DNAJC2: variants seen among roughly 807,000 people sequenced by gnomAD.
DNAJC2 encodes dnaJ homolog subfamily C member 2.
A neutral mutation model predicts 94.0 loss-of-function variants in DNAJC2; 32 were observed. The observed-to-expected ratio is 0.34, with a 90% CI of 0.26 to 0.46. The LOEUF is 0.46. Among genes scored for constraint, DNAJC2 ranks in the 20% least tolerant of loss-of-function variants. DNAJC2 has a pLI of 1.00. For synonymous variants in DNAJC2, 210 were observed against 229.7 expected (o/e 0.91, Z 0.77); for missense variants, 550 against 719.5 (o/e 0.76, Z 2.69).
chr7:103,321,923 C>A lies in DNAJC2; in HGVS notation c.1083+9G>T. On this transcript the variant is annotated intron_variant, in intron 10 of 16. Coordinates refer to ENST00000379263, the MANE Select transcript of DNAJC2 (RefSeq NM_014377.3). ...TACTTGTGCCTAGTGTTTGTTCAGTCTGATATACCTTGCATGAGTTTCGAA... is the reference window on the plus strand; with the variant it reads ...TACTTGTGCCTAGTGTTTGTTCAGTATGATATACCTTGCATGAGTTTCGAA... 6.2e-7 allele frequency: 1 copy of A among 1,611,014 alleles called. No individual in the cohort carries two copies. The highest frequency in any genetic ancestry group is 1.1e-5 in the South Asian group (1 of 90,658).
In DNAJC2 at chr7:103,332,452, C is replaced by CA. The variant is rs1190184384; in HGVS notation, c.332-4699dup. 3.3e-5 allele frequency among the ~76,000 whole-genome samples: 5 copies of CA among 152,078 alleles called. No individual in the cohort carries two copies. The East Asian group carries it at 9.6e-4, about 29-fold the overall frequency. ...TACAACTTAACAAAATGAATTATTCCAAAACAGTTTATGATTAACCGATTC... is the reference window on the plus strand; with the variant it reads ...TACAACTTAACAAAATGAATTATTCCAAAAACAGTTTATGATTAACCGATTC... On this transcript the variant is annotated intron_variant, in intron 3 of 16. Coordinates refer to ENST00000379263, the MANE Select transcript of DNAJC2 (RefSeq NM_014377.3).
At chr7:103,321,219 T>G (rs1045072579) in intron 10 of DNAJC2, among the ~76,000 whole-genome samples, 1 of 151,402 alleles carries the variant, frequency 6.6e-6, no homozygotes, top group African/African-American at 2.4e-5. Flanking sequence ...AAAAACTTAA[T>G]TAGAAAAAGT....
intron 3 of DNAJC2, chr7:103,328,947 T>C (rs1016378071): frequency 1.7e-6 from 2 of 1,207,348 alleles, no homozygotes; most frequent in Non-Finnish European, 1.1e-6. Context: ...ATCACAGAAG[T>C]GAACTTCATG....
At chr7:103,341,645 TA>T in intron 2 of DNAJC2, 118 bp downstream of exon 2, 1 of 824,496 alleles carries the variant, frequency 1.2e-6, no homozygotes, top group South Asian at 2.0e-5. Flanking sequence ...AAACAGATGC[TA>T]AATCATAGTT....
chr7:103,330,964 A>ATT (rs1040881184), intron 3 of DNAJC2, among the ~76,000 whole-genome samples: 3 of 139,306 alleles, frequency 2.2e-5, no homozygotes, highest in African/African-American at 7.9e-5. Flanking sequence ...AACAAAATCC[A>ATT]TTTTTTTTTT....
At position 103,326,079 on chromosome 7, in the gene DNAJC2, A is replaced by C. The variant is rs375168925; in HGVS notation, c.572+464T>G. Among the ~76,000 whole-genome samples the C allele has an allele frequency of 3.3e-5, 5 of 152,210 alleles. No homozygotes were observed. In the East Asian group the frequency reaches 7.7e-4, roughly 24 times the overall value. On this transcript the variant is annotated intron_variant, in intron 5 of 16. Coordinates refer to ENST00000379263, the MANE Select transcript of DNAJC2 (RefSeq NM_014377.3). ...CTGCAACCACTGTCTCCTGGGTTCA[A>C]GCAAAACTCCCGTCTCCGCCTCCCG...
Position 103,312,402 on chromosome 7 carries a change from ACTACCCCT to A in DNAJC2, c.*159_*166del. The stretch of plus-strand genomic sequence containing the variant: ...TATCATACTTTCAAAGGATAAAAAG[ACTACCCCT>A]CTGAAGGTTGTTTTGTATTAATGGT... On this transcript the variant is annotated 3_prime_UTR_variant, in exon 17 of 17. Transcript: ENST00000379263. 6.6e-7 allele frequency: 1 copy of A among 1,515,106 alleles called. No individual in the cohort carries two copies. The highest frequency in any genetic ancestry group is 8.8e-7 in the Non-Finnish European group (1 of 1,140,906). The allele number at this position is 1,515,106 out of a possible 1,614,324, so 93.9% of individuals were successfully genotyped here.
In DNAJC2 at chr7:103,322,467, T is replaced by C. The variant is rs922731295; in HGVS notation, c.933+44A>G. The C allele has an allele frequency of 8.6e-6, 12 of 1,396,946 alleles. No homozygotes were observed. The Admixed American group carries it at 2.3e-4, about 27-fold the overall frequency. 86.5% of individuals were successfully genotyped at this position (1,396,946 alleles called of 1,614,324 possible). On this transcript the variant is annotated intron_variant, in intron 9 of 16. Coordinates refer to ENST00000379263, the MANE Select transcript of DNAJC2 (RefSeq NM_014377.3). ...TGAAGATTAAAGTGAAGATTAAAGATTTCATAAACATTTAAAGTCCACCTT... is the reference window on the plus strand; with the variant it reads ...TGAAGATTAAAGTGAAGATTAAAGACTTCATAAACATTTAAAGTCCACCTT...
At chr7:103,317,275 G>C (rs995360732) in intron 12 of DNAJC2, 2 of 391,102 alleles carry the variant, frequency 5.1e-6, no homozygotes, top group Non-Finnish European at 9.1e-6. Context: ...CATTAGCCTT[G>C]GACACTAATT....
rs897425708 is a variant in DNAJC2 at position 103,315,794 on chromosome 7, C to G, written c.1606G>C (p.Asp536His). ...AATCGTTCTGAAGGCGTTGCGTTGT[C>G]TGCTTGAGGTACCACTCCATGTTCT... ...KKEHGVVPQA[D>H]NATPSERFEG... is the part of the protein sequence containing the mutation. The change falls in exon 15 of 17, where the codon GAC (aspartate) becomes CAC (histidine). Residue 536 changes from aspartate to histidine, a missense_variant. Physicochemically the swap from Asp to His is moderately conservative, Grantham distance 81. Transcript: ENST00000379263. 1 of 1,613,780 alleles carries G rather than the reference C, an allele frequency of 6.2e-7. No individual in the cohort carries two copies. The highest frequency in any genetic ancestry group is 8.5e-7 in the Non-Finnish European group (1 of 1,179,856).
Position 103,341,824 on chromosome 7 carries a change from A to G in DNAJC2, c.195T>C (p.Asp65=), listed in dbSNP as rs1297009535. 2.5e-6 allele frequency: 4 copies of G among 1,610,846 alleles called. No homozygotes were observed. The highest frequency in any genetic ancestry group is 2.2e-5 in the South Asian group (2 of 90,222). The stretch of plus-strand genomic sequence containing the variant: ...GAAACTCTTCCAACTGCAATTCTTC[A>G]TCTTCTGATTCCTCGGATAACTCTT... ...DKKELSEESE[D]EELQLEEFPM... Residue 65 remains aspartate, a synonymous_variant, in exon 2 of 17, where the codon GAT becomes GAC. Coordinates refer to ENST00000379263, the MANE Select transcript of DNAJC2 (RefSeq NM_014377.3).
intron 10 of DNAJC2, among the ~76,000 whole-genome samples, chr7:103,321,084 G>C (rs1818379596): frequency 6.6e-6 from 1 of 151,218 alleles, no homozygotes; most frequent in African/African-American, 2.4e-5. Context: ...TGTAATCCCA[G>C]CTACTTGGGT....
At chr7:103,317,488 A>G (rs1818134442) in intron 12 of DNAJC2, 1 of 153,458 alleles carries the variant, frequency 6.5e-6, no homozygotes, top group African/African-American at 2.4e-5. Flanking sequence ...AAGTAAAAAA[A>G]GAACCTTTAT....
chr7:103,327,927 T>C (rs1300958185), intron 3 of DNAJC2, among the ~76,000 whole-genome samples, 173 bp from the exon 4 acceptor site: 1 of 152,188 alleles, frequency 6.6e-6, no homozygotes, highest in East Asian at 1.9e-4. Flanking sequence ...TATTTCTTCT[T>C]ATTATTTTTT....
intron 6 of DNAJC2, 38 bp from the exon 7 acceptor site, chr7:103,323,701 T>A (rs1251262835): frequency 7.6e-7 from 1 of 1,313,278 alleles, no homozygotes; most frequent in East Asian, 2.8e-5. Flanking sequence ...CAAGACAGAA[T>A]AAATGAAAAA....
At chr7:103,314,746 G>C (rs549301200) in intron 15 of DNAJC2, 103 of 672,690 alleles carry the variant, frequency 1.5e-4, no homozygotes, top group Non-Finnish European at 1.6e-4. Flanking sequence ...AACACTGTAA[G>C]TCTCATATCT....
At chr7:103,333,912 T>C (rs1001212453) in intron 3 of DNAJC2, among the ~76,000 whole-genome samples, 1 of 152,220 alleles carries the variant, frequency 6.6e-6, no homozygotes, top group Admixed American at 6.5e-5. Context: ...ATTTGGGTGA[T>C]TTCCAGTTTC....
At position 103,316,043 on chromosome 7, in the gene DNAJC2, T is replaced by C. The variant is rs767859570; in HGVS notation, c.1473A>G (p.Gly491=). Residue 491 remains glycine, a synonymous_variant, in exon 14 of 17, where the codon GGA becomes GGG. Coordinates refer to ENST00000379263, the MANE Select transcript of DNAJC2 (RefSeq NM_014377.3). ...ANYMNIHSSS[G]VKRTAKDVIG... ...TAACATCTTTGGCAGTTCTTTTGACTCCAGAGGAAGAATGTATGTTCATGT... is the reference window on the plus strand; with the variant it reads ...TAACATCTTTGGCAGTTCTTTTGACCCCAGAGGAAGAATGTATGTTCATGT... The C allele has an allele frequency of 6.2e-7, 1 of 1,601,912 alleles. No individual in the cohort carries two copies.
intron 3 of DNAJC2, chr7:103,329,057 T>G: frequency 8.6e-7 from 1 of 1,161,750 alleles, no homozygotes; most frequent in Non-Finnish European, 1.1e-6. Context: ...GTCTAATTAT[T>G]TAAAATTTGT....
Sources: allele counts gnomAD v4.1 joint callset (sites outside exome capture counted in the v4.1 genomes callset), GRCh38; gene constraint gnomAD v4.1.1; transcripts MANE v1.5; gene names NCBI Gene and HGNC (gene_info 2026-07-23, HGNC 2026-07-21).